Variants in TGFA observed in about 807,000 individuals in gnomAD.
The protein encoded by TGFA is protransforming growth factor alpha.
Under a neutral mutation model 21.7 loss-of-function variants are expected in TGFA, and 12 were observed. That is an observed-to-expected ratio of 0.55 (90% CI 0.35 to 0.90). The LOEUF is 0.90. Among genes scored for constraint, TGFA ranks in the 40% least tolerant of loss-of-function variants. The pLI, the probability that TGFA is intolerant of heterozygous loss-of-function variation, is 0.01. For missense variants in TGFA, 178 were observed against 210.8 expected (o/e 0.84, Z 0.96); for synonymous variants, 79 against 88.1 (o/e 0.90, Z 0.58).
intron 1 of TGFA, among the ~76,000 whole-genome samples, chr2:70,522,689 C>T (rs1166825362): frequency 6.6e-6 from 1 of 152,166 alleles, no homozygotes; most frequent in Non-Finnish European, 1.5e-5. Context: ...CCTGCCTCGA[C>T]CTCCCAAAGT....
At chr2:70,457,697 A>G (rs1323508076) in intron 3 of TGFA, among the ~76,000 whole-genome samples, 2 of 151,942 alleles carry the variant, frequency 1.3e-5, no homozygotes, top group African/African-American at 4.8e-5. Context: ...ACATGCCACC[A>G]TGCCTGGCTA....
At chr2:70,458,044 G>C (rs1670292128) in intron 3 of TGFA, among the ~76,000 whole-genome samples, 1 of 152,174 alleles carries the variant, frequency 6.6e-6, no homozygotes, top group African/African-American at 2.4e-5. Context: ...GGGGATCACA[G>C]AACTCTGAAT....
intron 2 of TGFA, among the ~76,000 whole-genome samples, chr2:70,486,772 GT>G (rs1166354300): frequency 4.0e-5 from 6 of 150,596 alleles, no homozygotes; most frequent in Non-Finnish European, 8.9e-5. Flanking sequence ...ATTTCTTGGT[GT>G]TTTTTTTTAG....
At chr2:70,544,555 G>A (rs1192270051) in intron 1 of TGFA, among the ~76,000 whole-genome samples, 3 of 152,132 alleles carry the variant, frequency 2.0e-5, no homozygotes, top group Admixed American at 6.6e-5. Flanking sequence ...TAGAACACAG[G>A]TCCACGAGAA....
chr2:70,470,323 A>C (rs568108340), intron 2 of TGFA, among the ~76,000 whole-genome samples: 2 of 152,324 alleles, frequency 1.3e-5, no homozygotes, highest in African/African-American at 4.8e-5. Context: ...TCAGAAAATC[A>C]CACGCACATG....
chr2:70,481,871 G>A (rs1671132972), intron 2 of TGFA, among the ~76,000 whole-genome samples: 1 of 152,180 alleles, frequency 6.6e-6, no homozygotes, highest in Admixed American at 6.5e-5. Context: ...GCCTTCAGAT[G>A]ACAGTGCAGC....
intron 1 of TGFA, among the ~76,000 whole-genome samples, chr2:70,517,424 C>T (rs185574229): frequency 6.6e-6 from 1 of 152,334 alleles, no homozygotes. Context: ...GGACAGGGCT[C>T]AGGTCTCTCA....
chr2:70,473,348 AC>A (rs1341781973), intron 2 of TGFA, among the ~76,000 whole-genome samples: 1 of 151,982 alleles, frequency 6.6e-6, no homozygotes, highest in Non-Finnish European at 1.5e-5. Context: ...GCCCAGAGAG[AC>A]TTGGTGAGCA....
chr2:70,450,957 G>A, intron 5 of TGFA, 91 bp from the exon 6 acceptor site: 1 of 1,483,446 alleles, frequency 6.7e-7, no homozygotes, highest in Non-Finnish European at 9.3e-7. Flanking sequence ...GGAGATGGCA[G>A]AGCCAATGTC....
At chr2:70,494,761 C>T (rs909220318) in intron 2 of TGFA, among the ~76,000 whole-genome samples, 21 of 151,956 alleles carry the variant, frequency 1.4e-4, no homozygotes, top group Non-Finnish European at 1.5e-5. Flanking sequence ...GTTTATTGGC[C>T]GTATGTAGTT....
chr2:70,466,415 G>A (rs916326292), intron 2 of TGFA, among the ~76,000 whole-genome samples: 3 of 152,144 alleles, frequency 2.0e-5, no homozygotes, highest in Non-Finnish European at 4.4e-5. Flanking sequence ...GCTGAGGCAG[G>A]AGAATGGCGA....
chr2:70,451,854 A>G (rs1296766934), intron 5 of TGFA: 1 of 666,220 alleles, frequency 1.5e-6, no homozygotes, highest in African/African-American at 1.8e-5. Flanking sequence ...GGCTGTCATC[A>G]GACTCAGTTT....
Position 70,553,747 on chromosome 2 carries a change from C to T in TGFA, c.21G>A (p.Gln7=). ...ACGTACCCAGAGCGAACAGGGCGAGCTGTCCAGCCGAGGGGACCATTTTAC... is the reference window on the plus strand; with the variant it reads ...ACGTACCCAGAGCGAACAGGGCGAGTTGTCCAGCCGAGGGGACCATTTTAC... MVPSAG[Q]LALFALGIVL... Residue 7 remains glutamine, a synonymous_variant, in exon 1 of 6, where the codon CAG becomes CAA. Coordinates refer to ENST00000295400, the MANE Select transcript of TGFA (RefSeq NM_003236.4). The T allele has an allele frequency of 7.6e-7, 1 of 1,319,178 alleles. No individual in the cohort carries two copies. The highest frequency in any genetic ancestry group is 1.5e-5 in the African/African-American group (1 of 65,844). The allele number at this position is 1,319,178 out of a possible 1,614,324, so 81.7% of individuals were successfully genotyped here.
rs373490432 is a variant in TGFA, at chr2:70,542,481, A to C, written c.40+11247T>G. Among the ~76,000 whole-genome samples the C allele has an allele frequency of 1.2e-4, 19 of 152,326 alleles. 1 individual carries two copies. The highest frequency in any genetic ancestry group is 4.3e-4 in the African/African-American group (18 of 41,574). On this transcript the variant is annotated intron_variant, in intron 1 of 5. Transcript: ENST00000295400. Reference sequence around the variant, plus strand: ...CTGAAGATACGGTCTCATTGTAAGAATCTAATATTTTAACCTAGAAGTGCT... The same window carrying C: ...CTGAAGATACGGTCTCATTGTAAGACTCTAATATTTTAACCTAGAAGTGCT...
chr2:70,456,256 GCC>G, intron 4 of TGFA, 81 bp downstream of exon 4: 2 of 1,457,554 alleles, frequency 1.4e-6, no homozygotes, highest in Admixed American at 4.3e-5. Context: ...TGCTGAGGTG[GCC>G]CTGTTATCTG....
chr2:70,531,511 C>T (rs114790004), intron 1 of TGFA, among the ~76,000 whole-genome samples: 1,828 of 152,292 alleles, frequency 0.012, 39 homozygotes, highest in African/African-American at 0.041. Flanking sequence ...ACATATTTTC[C>T]TCATTCTTAA....
intron 2 of TGFA, 74 bp downstream of exon 2, chr2:70,514,785 C>G: frequency 6.6e-7 from 1 of 1,520,460 alleles, no homozygotes; most frequent in South Asian, 1.2e-5. Context: ...GGAGGGAGCT[C>G]TTGAGGAGCC....
chr2:70,454,518 G>A (rs567667420), intron 4 of TGFA, among the ~76,000 whole-genome samples: 1 of 152,346 alleles, frequency 6.6e-6, no homozygotes, highest in South Asian at 2.1e-4. Context: ...TGGTTCCAGA[G>A]CCATCAATGA....
chr2:70,460,591 C>T (rs1367953603), intron 3 of TGFA, among the ~76,000 whole-genome samples: 1 of 152,160 alleles, frequency 6.6e-6, no homozygotes, highest in African/African-American at 2.4e-5. Flanking sequence ...AGTGGGTGCA[C>T]TAGGACCAAG....
Sources: allele counts gnomAD v4.1 joint callset (sites outside exome capture counted in the v4.1 genomes callset), GRCh38; gene constraint gnomAD v4.1.1; transcripts MANE v1.5; gene names NCBI Gene and HGNC (gene_info 2026-07-23, HGNC 2026-07-21).